The following GART variants were observed in gnomAD, a reference collection of about 807,000 sequenced individuals.
The protein encoded by GART is phosphoribosylglycinamide formyltransferase, phosphoribosylglycinamide synthetase, phosphoribosylaminoimidazole synthetase, also known as trifunctional purine biosynthetic protein adenosine-3.
A neutral mutation model predicts 107.2 loss-of-function variants in GART; 43 were observed. That is an observed-to-expected ratio of 0.40 (90% CI 0.31 to 0.52). The LOEUF (loss-of-function observed/expected upper bound fraction) is 0.52. Among genes scored for constraint, GART ranks in the 20% least tolerant of loss-of-function variants. The pLI is 0.52. For synonymous variants in GART, 434 were observed against 427.0 expected (o/e 1.02, Z -0.20); for missense variants, 1,107 against 1,206.5 (o/e 0.92, Z 1.22).
At chr21:33,512,807 A>G (rs1211151281) in intron 16 of GART, among the ~76,000 whole-genome samples, 1 of 151,890 alleles carries the variant, frequency 6.6e-6, no homozygotes, top group African/African-American at 2.4e-5. Flanking sequence ...TGCCCAGTCT[A>G]GTTTTGACCT....
Position 33,504,131 on chromosome 21 carries a change from T to C in GART, c.3026A>G (p.Glu1009Gly), listed in dbSNP as rs1159731532. ...TTTCTGAATTAAAAGGCTTCATTCC[T>C]CTTTAACCCAACAGATCTTGCCATT... Reference protein sequence around the residue: ...GENGKICWVKEE With the variant: ...GENGKICWVKGE Residue 1009 changes from glutamate to glycine, a missense_variant, in exon 22 of 22, where the codon GAG becomes GGG. Transcript: ENST00000381815. 1 of 1,609,834 alleles carries C rather than the reference T, an allele frequency of 6.2e-7. No individual in the cohort carries two copies. Among genetic ancestry groups the C allele is most frequent in the Admixed American group, 1.7e-5 (1 of 59,170 alleles).
At chr21:33,521,631 CAAAAA>C (rs571421187) in intron 12 of GART, among the ~76,000 whole-genome samples, 1 of 54,440 alleles carries the variant, frequency 1.8e-5, no homozygotes. Flanking sequence ...GACTTTGTCT[CAAAAA>C]AAAAAAAAAA....
chr21:33,540,482 A>T (rs1300404379), intron 1 of GART, among the ~76,000 whole-genome samples: 1 of 152,148 alleles, frequency 6.6e-6, no homozygotes, highest in Non-Finnish European at 1.5e-5. Context: ...TAGTTTGCTG[A>T]CTCCTAATTC....
chr21:33,504,981 A>G (rs2084654449), intron 20 of GART, among the ~76,000 whole-genome samples: 2 of 152,214 alleles, frequency 1.3e-5, no homozygotes, highest in African/African-American at 4.8e-5. Context: ...CTCTAACTAC[A>G]TTCACCTAAG....
intron 2 of GART, among the ~76,000 whole-genome samples, chr21:33,537,798 G>A (rs1045887136): frequency 2.0e-5 from 3 of 152,204 alleles, no homozygotes; most frequent in Admixed American, 1.3e-4. Context: ...AGAGCAGGCA[G>A]AAGACAGACT....
rs760621476 is a variant in GART at position 33,539,128 on chromosome 21, T to C, written c.145+43A>G. 20 of 1,564,276 alleles carry C rather than the reference T, an allele frequency of 1.3e-5. 1 individual carries two copies. The South Asian group carries it at 2.2e-4, about 17-fold the overall frequency. On this transcript the variant is annotated intron_variant, in intron 2 of 21. Coordinates refer to ENST00000381815, the MANE Select transcript of GART (RefSeq NM_000819.5). ...GATATGGTTGACAGCATACCATTAA[T>C]AACAAATAATAACTATTACTCCCCA... is the stretch of plus-strand genomic sequence containing the variant.
chr21:33,504,643 A>G (rs2084648414), intron 20 of GART, 116 bp from the exon 21 acceptor site: 2 of 722,000 alleles, frequency 2.8e-6, no homozygotes, highest in Non-Finnish European at 4.6e-6. Context: ...TCTGGGATGG[A>G]TGTTTTCTTT....
chr21:33,525,105 G>C (rs1351367045), intron 10 of GART, 105 bp from the exon 11 acceptor site: 1 of 1,425,334 alleles, frequency 7.0e-7, no homozygotes, highest in Non-Finnish European at 9.1e-7. Flanking sequence ...TTTTTAACTT[G>C]GCTAGGTGCG....
At chr21:33,530,077 A>C (rs2085154555) in intron 7 of GART, among the ~76,000 whole-genome samples, 1 of 152,140 alleles carries the variant, frequency 6.6e-6, no homozygotes, top group African/African-American at 2.4e-5. Context: ...CTGTAGTCCC[A>C]GCTACTTGTG....
intron 16 of GART, 42 bp from the exon 17 acceptor site, chr21:33,511,500 TCA>T (rs781537175): frequency 5.7e-6 from 9 of 1,568,720 alleles, no homozygotes; most frequent in East Asian, 4.5e-5. Flanking sequence ...TCCTACCTTC[TCA>T]CACAAAGTAC....
chr21:33,537,843 T>C (rs2085332836), intron 2 of GART, among the ~76,000 whole-genome samples: 1 of 152,152 alleles, frequency 6.6e-6, no homozygotes, highest in South Asian at 2.1e-4. Context: ...GTAAGGAATT[T>C]GAGTTTTATT....
At chr21:33,506,426 G>A (rs1393087108) in intron 18 of GART, among the ~76,000 whole-genome samples, 1 of 152,124 alleles carries the variant, frequency 6.6e-6, no homozygotes, top group East Asian at 1.9e-4. Context: ...ACAGGCATGA[G>A]CCACCGCGCC....
chr21:33,525,584 C>T (rs890809915), intron 10 of GART, among the ~76,000 whole-genome samples: 1 of 152,058 alleles, frequency 6.6e-6, no homozygotes, highest in Admixed American at 6.6e-5. Flanking sequence ...GAATGTGCCA[C>T]CACACCCAGC....
intron 8 of GART, 52 bp from the exon 9 acceptor site, chr21:33,528,656 A>C (rs777483401): frequency 7.9e-7 from 1 of 1,258,214 alleles, no homozygotes; most frequent in South Asian, 1.4e-5. Flanking sequence ...TCTATGATGA[A>C]GACACTGTAT....
intron 14 of GART, among the ~76,000 whole-genome samples, chr21:33,519,837 TAAATTAAAAAAAGAGGTTA>T (rs2084938576): frequency 6.8e-6 from 1 of 146,478 alleles, no homozygotes; most frequent in Non-Finnish European, 1.5e-5. Flanking sequence ...TTTTTTTTTT[TAAATTAAAAAAAGAGGTTA>T]TTTTGTTCCT....
intron 11 of GART, among the ~76,000 whole-genome samples, chr21:33,522,989 ATC>A (rs1433930227): frequency 2.0e-5 from 3 of 152,248 alleles, no homozygotes; most frequent in African/African-American, 7.2e-5. Context: ...ATATAACTGT[ATC>A]TGTTTCCTAA....
At chr21:33,533,544 C>T (rs2085239416) in intron 4 of GART, among the ~76,000 whole-genome samples, 1 of 151,842 alleles carries the variant, frequency 6.6e-6, no homozygotes, top group Non-Finnish European at 1.5e-5. Context: ...ATTACTCACT[C>T]TGGTTAATTA....
rs1313673203 is a variant in GART at position 33,528,268 on chromosome 21, C to T, written c.965G>A (p.Cys322Tyr). The change falls in exon 10 of 22, where the codon TGC becomes TAC. Residue 322 changes from cysteine (C) to tyrosine (Y), a missense_variant. Cys to Tyr is a radical substitution (Grantham distance 194). Coordinates refer to ENST00000381815, the MANE Select transcript of GART (RefSeq NM_000819.5). Reference sequence around the variant, plus strand: ...TTCTAGCCAAACAGGCAGAGATGTGCAGAGCAGTCCATCTAAGGTGGACTG... The same window carrying T: ...TTCTAGCCAAACAGGCAGAGATGTGTAGAGCAGTCCATCTAAGGTGGACTG... ...VIQSTLDGLL[C>Y]TSLPVWLENH... is the part of the protein sequence containing the mutation. The T allele has an allele frequency of 1.9e-6, 3 of 1,613,932 alleles. No homozygotes were observed. Among genetic ancestry groups the T allele is most frequent in the South Asian group, 1.1e-5 (1 of 91,072 alleles).
At chr21:33,515,396 C>T (rs1486414020) in intron 16 of GART, among the ~76,000 whole-genome samples, 1 of 152,266 alleles carries the variant, frequency 6.6e-6, no homozygotes, top group South Asian at 2.1e-4. Flanking sequence ...AATCCCAGCA[C>T]TTTGGGAGGC....
Sources: allele counts gnomAD v4.1 joint callset (sites outside exome capture counted in the v4.1 genomes callset), GRCh38; gene constraint gnomAD v4.1.1; transcripts MANE v1.5; gene names NCBI Gene and HGNC (gene_info 2026-07-23, HGNC 2026-07-21).